The following SLC4A8 variants were observed in gnomAD, a reference collection of about 807,000 sequenced individuals.
SLC4A8 encodes the protein electroneutral sodium bicarbonate exchanger 1.
Under a neutral mutation model 125.0 loss-of-function variants are expected in SLC4A8, and 40 were observed. The ratio of observed to expected loss-of-function variants is 0.32; its 90% CI spans 0.25 to 0.42. The LOEUF (loss-of-function observed/expected upper bound fraction) is 0.42. SLC4A8 is among the 10% of genes least tolerant of loss of function. The probability of loss-of-function intolerance (pLI) is 1.00; values close to 1 mark genes in which losing one functional copy is unlikely to be tolerated. For missense variants in SLC4A8, 863 were observed against 1,355.1 expected (o/e 0.64, Z 5.70); for synonymous variants, 456 against 476.0 (o/e 0.96, Z 0.55).
chr12:51,450,229 G>A (rs1031740195), intron 2 of SLC4A8, among the ~76,000 whole-genome samples: 3 of 152,054 alleles, frequency 2.0e-5, no homozygotes, highest in African/African-American at 7.2e-5. Context: ...TAAAATAATG[G>A]AAGCTGATCC....
Position 51,507,714 on chromosome 12 carries a change from C to T in SLC4A8, c.*276C>T, listed in dbSNP as rs545290145. On this transcript the variant is annotated 3_prime_UTR_variant, in exon 25 of 25. Transcript: ENST00000453097. ...CTCTTCCTTCTTTTTCTCTTTAGAACGGCCACCATTGAAGACCTAGCTTCC... is the reference window on the plus strand; with the variant it reads ...CTCTTCCTTCTTTTTCTCTTTAGAATGGCCACCATTGAAGACCTAGCTTCC... The T allele has an allele frequency of 4.4e-5, 14 of 321,104 alleles. No individual in the cohort carries two copies. Among genetic ancestry groups the T allele is most frequent in the East Asian group, 2.4e-4 (5 of 20,464 alleles). 19.9% of individuals were successfully genotyped at this position (321,104 alleles called of 1,614,324 possible). A position where few individuals can be genotyped will look rare whatever the true frequency, so the allele number is the denominator to read the frequency against.
intron 19 of SLC4A8, 49 bp from the exon 20 acceptor site, chr12:51,493,655 C>CTA (rs777542638): frequency 8.4e-7 from 1 of 1,188,490 alleles, no homozygotes. Context: ...TTTGAGTGTG[C>CTA]TATGATACCA....
chr12:51,492,753 A>G (rs1476084752), intron 19 of SLC4A8, among the ~76,000 whole-genome samples: 2 of 152,266 alleles, frequency 1.3e-5, no homozygotes, highest in South Asian at 2.1e-4. Context: ...TACATGTGCC[A>G]TGGTGGTTTG....
At chr12:51,435,371 G>C (rs925272927) in intron 1 of SLC4A8, among the ~76,000 whole-genome samples, 2 of 152,040 alleles carry the variant, frequency 1.3e-5, no homozygotes, top group African/African-American at 4.8e-5. Context: ...ATTTATCTAG[G>C]AAAGCCCAGA....
intron 2 of SLC4A8, among the ~76,000 whole-genome samples, chr12:51,448,115 A>G (rs1188711651): frequency 6.6e-6 from 1 of 152,170 alleles, no homozygotes; most frequent in African/African-American, 2.4e-5. Context: ...GTATTAAAAG[A>G]AGAAAAGATT....
chr12:51,464,886 G>A (rs988689328), intron 11 of SLC4A8, among the ~76,000 whole-genome samples: 1 of 152,212 alleles, frequency 6.6e-6, no homozygotes, highest in Non-Finnish European at 1.5e-5. Flanking sequence ...AATGGCACTT[G>A]ACTAGCAGTG....
chr12:51,393,292 G>A (rs371577360), intron 1 of SLC4A8, among the ~76,000 whole-genome samples: 3 of 151,904 alleles, frequency 2.0e-5, no homozygotes, highest in African/African-American at 7.3e-5. Context: ...AGGGAGTTTC[G>A]CCATGTTGCC....
chr12:51,505,818 C>G lies in SLC4A8; in HGVS notation c.3174-17C>G, dbSNP rs750721495. On this transcript the variant is annotated splice_polypyrimidine_tract_variant and intron_variant, in intron 23 of 24. Coordinates refer to ENST00000453097, the MANE Select transcript of SLC4A8 (RefSeq NM_001039960.3). ...ACTTGTATGTCTGACATTCACTGTCCTAATGATTGATTTCAGATGTGACCC... is the reference window on the plus strand; with the variant it reads ...ACTTGTATGTCTGACATTCACTGTCGTAATGATTGATTTCAGATGTGACCC... 1.7e-6 allele frequency: 2 copies of G among 1,148,052 alleles called. No individual in the cohort carries two copies. The highest frequency in any genetic ancestry group is 1.3e-5 in the South Asian group (1 of 78,198). 71.1% of individuals were successfully genotyped at this position (1,148,052 alleles called of 1,614,324 possible).
At chr12:51,438,534 G>A (rs941600712) in intron 1 of SLC4A8, among the ~76,000 whole-genome samples, 1 of 152,024 alleles carries the variant, frequency 6.6e-6, no homozygotes, top group Non-Finnish European at 1.5e-5. Flanking sequence ...ATCTGTTGTT[G>A]GACACCTAGG....
At chr12:51,450,819 G>T (rs1278896643) in intron 2 of SLC4A8, 57 bp from the exon 3 acceptor site, 13 of 1,585,426 alleles carry the variant, frequency 8.2e-6, no homozygotes, top group Non-Finnish European at 1.0e-5. Flanking sequence ...GCTTTTTGTT[G>T]TTGTTGTTTT....
At chr12:51,436,963 A>T (rs1949441928) in intron 1 of SLC4A8, among the ~76,000 whole-genome samples, 1 of 152,200 alleles carries the variant, frequency 6.6e-6, no homozygotes. Context: ...CTTATGTTCC[A>T]ACACCCTTTG....
intron 2 of SLC4A8, among the ~76,000 whole-genome samples, chr12:51,446,596 G>A (rs536689376): frequency 2.0e-5 from 3 of 152,290 alleles, no homozygotes; most frequent in East Asian, 1.9e-4. Flanking sequence ...TCTCCTTCTC[G>A]GGGAAGTCTT....
chr12:51,500,263 A>G (rs76092090), intron 22 of SLC4A8, among the ~76,000 whole-genome samples: 2,917 of 152,298 alleles, frequency 0.019, 82 homozygotes, highest in African/African-American at 0.066. Flanking sequence ...AAGTAAGTAC[A>G]TATTTGTTAA....
intron 19 of SLC4A8, among the ~76,000 whole-genome samples, chr12:51,490,300 A>C (rs1951274330): frequency 6.6e-6 from 1 of 151,900 alleles, no homozygotes; most frequent in East Asian, 1.9e-4. Flanking sequence ...TCACACCTGT[A>C]ATCCCAGCAC....
intron 16 of SLC4A8, among the ~76,000 whole-genome samples, chr12:51,475,743 T>C (rs140553321): frequency 2.0e-5 from 3 of 152,314 alleles, no homozygotes; most frequent in South Asian, 2.1e-4. Context: ...GCATTGTTTG[T>C]ATTATGAGCA....
chr12:51,413,498 T>C (rs989708285), intron 1 of SLC4A8, among the ~76,000 whole-genome samples: 10 of 152,226 alleles, frequency 6.6e-5, no homozygotes, highest in Admixed American at 6.5e-4. Context: ...CCTAGATCCA[T>C]GTCCTGCAGC....
At position 51,475,129 on chromosome 12, in the gene SLC4A8, T is replaced by C; in HGVS notation, c.2095T>C (p.Cys699Arg). Residue 699 changes from cysteine (C) to arginine (R), a missense_variant, in exon 16 of 25, where the codon TGT becomes CGT. Physicochemically the swap from Cys to Arg is radical, Grantham distance 180. Transcript: ENST00000453097. ...PYTPDVLFWS[C>R]ILFFTTFILS... ...CACTCCTGATGTCCTCTTTTGGTCC[T>C]GTATTCTCTTTTTCACCACCTTCAT... 6.2e-7 allele frequency: 1 copy of C among 1,614,154 alleles called. No individual in the cohort carries two copies. Among genetic ancestry groups the C allele is most frequent in the Non-Finnish European group, 8.5e-7 (1 of 1,179,942 alleles).
At chr12:51,431,604 A>AT (rs147265271) in intron 1 of SLC4A8, among the ~76,000 whole-genome samples, 9,247 of 149,960 alleles carry the variant, frequency 0.062, 418 homozygotes, top group East Asian at 0.21. Context: ...TCCTTGTGGA[A>AT]TTTTTTTTTT....
intron 1 of SLC4A8, among the ~76,000 whole-genome samples, chr12:51,392,436 A>C (rs1948142960): frequency 6.6e-6 from 1 of 151,424 alleles, no homozygotes. Flanking sequence ...AGCTGGGCGT[A>C]GTGGCGGGCG....
Sources: gnomAD v4.1 joint callset for allele counts (sites outside exome capture counted in the v4.1 genomes callset) on GRCh38, gnomAD v4.1.1 for gene constraint, MANE v1.5 for transcripts, NCBI Gene and HGNC (gene_info 2026-07-23, HGNC 2026-07-21) for gene names.